CCDC144A: variants seen among roughly 807,000 people sequenced by gnomAD.
The protein encoded by CCDC144A is coiled-coil domain containing 144A.
CCDC144A carries 41 observed loss-of-function variants against 143.8 expected under a neutral mutation model. The observed-to-expected ratio is 0.29, with a 90% CI of 0.22 to 0.37. The LOEUF is 0.37. CCDC144A is among the 10% of genes least tolerant of loss of function. The pLI, the probability that CCDC144A is intolerant of heterozygous loss-of-function variation, is 1.00. For synonymous variants in CCDC144A, 242 were observed against 517.9 expected, an observed-to-expected ratio of 0.47 and a Z score of 7.23; for missense variants, 637 against 1,488.8, an observed-to-expected ratio of 0.43 and a Z score of 9.41.
chr17:16,732,748 C>T (rs552227321), intron 11 of CCDC144A, 82 bp downstream of exon 11: 1 of 929,858 alleles, frequency 1.1e-6, no homozygotes, highest in Admixed American at 3.1e-5. Context: ...TTGGAAAGTA[C>T]AATGGATTTT....
chr17:16,755,251 G>A (rs1452185329), intron 12 of CCDC144A, among the ~76,000 whole-genome samples: 2 of 152,126 alleles, frequency 1.3e-5, no homozygotes, highest in Non-Finnish European at 1.5e-5. Context: ...GAGAGGTGAG[G>A]ACTTACTCCT....
the CCDC144A span, among the ~76,000 whole-genome samples, chr17:16,681,639 A>C: frequency 6.6e-6 from 1 of 152,022 alleles, no homozygotes; most frequent in Non-Finnish European, 1.5e-5. Flanking sequence ...CAGGTGGATC[A>C]CCTGAAGTTG....
At chr17:16,759,219 T>TA (rs1567608701) in intron 12 of CCDC144A, among the ~76,000 whole-genome samples, 2 of 152,390 alleles carry the variant, frequency 1.3e-5, no homozygotes, top group East Asian at 3.9e-4. Context: ...TTGTAATTTA[T>TA]AGGCCATCAT....
chr17:16,683,737 C>T, the CCDC144A span: 1 of 1,571,798 alleles, frequency 6.4e-7, no homozygotes. Context: ...CTCCGTGAGC[C>T]ACTGGATGGA....
At chr17:16,667,489 A>G in the CCDC144A span, among the ~76,000 whole-genome samples, 1 of 152,014 alleles carries the variant, frequency 6.6e-6, no homozygotes, top group Non-Finnish European at 1.5e-5. Flanking sequence ...GAGGGGCTGA[A>G]AGGCTGAAGG....
the CCDC144A span, among the ~76,000 whole-genome samples, chr17:16,668,969 C>G: frequency 6.6e-6 from 1 of 152,200 alleles, no homozygotes; most frequent in African/African-American, 2.4e-5. Flanking sequence ...ATCTTCAGCA[C>G]ATAAATTCTA....
At position 16,734,930 on chromosome 17, in the gene CCDC144A, A is replaced by G; in HGVS notation, c.2659A>G (p.Asn887Asp). ...ACTCCAGTACAGTGGACAGCTGAAC[A>G]ATCTGACAGCTGAGAACAAAATACT... Reference protein sequence around the residue: ...TILQYSGQLNNLTAENKILNS... With the variant: ...TILQYSGQLNDLTAENKILNS... Residue 887 changes from asparagine (N) to aspartate (D), a missense_variant, in exon 12 of 17, where the codon AAT becomes GAT. Asn to Asp is a conservative substitution (Grantham distance 23, BLOSUM62 1). Coordinates refer to ENST00000399273, the MANE Select transcript of CCDC144A (RefSeq NM_001382000.1). The G allele has an allele frequency of 1.9e-6, 3 of 1,588,636 alleles. No individual in the cohort carries two copies. The highest frequency in any genetic ancestry group is 2.6e-6 in the Non-Finnish European group (3 of 1,167,538).
intron 12 of CCDC144A, among the ~76,000 whole-genome samples, chr17:16,750,131 A>G (rs1914721900): frequency 1.3e-5 from 2 of 152,186 alleles, no homozygotes; most frequent in Non-Finnish European, 2.9e-5. Flanking sequence ...TGGTTCTGCC[A>G]TGATGTTTTT....
rs530227813 is a variant in CCDC144A, at chr17:16,709,841, G to A, written c.1578+206G>A. Reference sequence around the variant, plus strand: ...TTTCTTAATTGACCTAAGTCTCTCTGTCAGTCTTCCAAGTGGCGTATGGAT... The same window carrying A: ...TTTCTTAATTGACCTAAGTCTCTCTATCAGTCTTCCAAGTGGCGTATGGAT... On this transcript the variant is annotated intron_variant, in intron 5 of 16. Transcript: ENST00000399273. Among the ~76,000 whole-genome samples the A allele has an allele frequency of 2.6e-5, 4 of 152,312 alleles. No homozygotes were observed. The South Asian group carries it at 8.3e-4, about 32-fold the overall frequency.
chr17:16,754,222 GT>G (rs1914963322), intron 12 of CCDC144A, among the ~76,000 whole-genome samples: 1 of 152,074 alleles, frequency 6.6e-6, no homozygotes, highest in Non-Finnish European at 1.5e-5. Flanking sequence ...GTTTAATGTA[GT>G]TTGCAGTTTT....
rs1442331433 is a variant in CCDC144A at position 16,775,172 on chromosome 17, T to G, written c.*1539T>G. ...ATTGTGAATAGTGCTGCAATGAACA[T>G]ACGTGTGCGTGTATCTTTATACTAG... On this transcript the variant is annotated 3_prime_UTR_variant, in exon 17 of 17. Transcript: ENST00000399273. The G allele has an allele frequency of 6.6e-6, 1 of 152,318 alleles. No homozygotes were observed. Among genetic ancestry groups the G allele is most frequent in the Non-Finnish European group, 1.5e-5 (1 of 68,082 alleles). The allele number at this position is 152,318 out of a possible 1,614,324, so 9.4% of individuals were successfully genotyped here.
At chr17:16,734,605 T>G in intron 11 of CCDC144A, 85 bp from the exon 12 acceptor site, 1 of 1,347,084 alleles carries the variant, frequency 7.4e-7, no homozygotes, top group Non-Finnish European at 9.9e-7. Flanking sequence ...TGGCAATCTT[T>G]TCATTGTATA....
rs542624185 is a variant in CCDC144A, at chr17:16,719,427, G to C, written c.1716-771G>C. Among the ~76,000 whole-genome samples, 39 of 152,234 alleles carry C rather than the reference G, an allele frequency of 2.6e-4. No individual in the cohort carries two copies. In the South Asian group the frequency reaches 6.2e-3, roughly 24 times the overall value. On this transcript the variant is annotated intron_variant, in intron 6 of 16. Transcript: ENST00000399273. ...GATTCTGACATTATTTATAGTTGTA[G>C]TCAGAAATGGAATGGCAATGTGGGT...
At chr17:16,667,288 T>TTGAGGCGGC in the CCDC144A span, among the ~76,000 whole-genome samples, 122 of 128,140 alleles carry the variant, frequency 9.5e-4, no homozygotes, top group Middle Eastern at 4.3e-3. Context: ...GGCTGAGGGG[T>TTGAGGCGGC]TGAGGCGGCT....
At chr17:16,767,252 GCCACTGCACTGCAGC>G (rs1915640456) in intron 15 of CCDC144A, 1 of 143,030 alleles carries the variant, frequency 7.0e-6, no homozygotes, top group Non-Finnish European at 1.5e-5. Context: ...CCAAGATTGT[GCCACTGCACTGCAGC>G]CCAGGTGACA....
intron 9 of CCDC144A, among the ~76,000 whole-genome samples, chr17:16,730,821 C>T (rs1299508215): frequency 7.0e-6 from 1 of 142,472 alleles, no homozygotes; most frequent in Non-Finnish European, 1.5e-5. Context: ...TTTACTAGTG[C>T]TCCTGATTTG....
chr17:16,722,585 G>C (rs1913154489), intron 8 of CCDC144A, among the ~76,000 whole-genome samples: 1 of 151,942 alleles, frequency 6.6e-6, no homozygotes, highest in Non-Finnish European at 1.5e-5. Flanking sequence ...TGTGAATTTG[G>C]ACAAAAGTAT....
At chr17:16,683,323 A>G in the CCDC144A span, 1 of 584,376 alleles carries the variant, frequency 1.7e-6, no homozygotes, top group Admixed American at 3.1e-5. Context: ...TAAAAAACGA[A>G]TGAATTGTAA....
intron 15 of CCDC144A, among the ~76,000 whole-genome samples, chr17:16,769,513 A>G (rs1227967900): frequency 1.3e-5 from 2 of 152,252 alleles, no homozygotes; most frequent in Non-Finnish European, 2.9e-5. Context: ...CACAACATGG[A>G]TAATTGACTT....
Sources: allele counts gnomAD v4.1 joint callset (sites outside exome capture counted in the v4.1 genomes callset), GRCh38; gene constraint gnomAD v4.1.1; transcripts MANE v1.5; gene names NCBI Gene and HGNC (gene_info 2026-07-23, HGNC 2026-07-21).